Variants in CTNNA3 observed in about 807,000 individuals in gnomAD.
The protein encoded by CTNNA3 is catenin alpha 3, also known as catenin alpha-3.
In CTNNA3, 76 loss-of-function variants were observed where a neutral mutation model predicts 95.7. The observed-to-expected ratio is 0.79, with a 90% CI of 0.66 to 0.96. The LOEUF (loss-of-function observed/expected upper bound fraction) is 0.96, where lower values mean the gene tolerates loss of function less well. Ranked by LOEUF, CTNNA3 falls within the 40% of genes least tolerant of loss-of-function variation. The pLI is 0.00. For missense variants in CTNNA3, 1,191 were observed against 1,089.8 expected (o/e 1.09, Z -1.31); for synonymous variants, 431 against 374.4 (o/e 1.15, Z -1.74).
chr10:67,350,425 A>G (rs1842586605), intron 5 of CTNNA3, among the ~76,000 whole-genome samples: 1 of 152,068 alleles, frequency 6.6e-6, no homozygotes, highest in Non-Finnish European at 1.5e-5. Context: ...CTAATCCACA[A>G]TAATATTTAT....
intron 13 of CTNNA3, among the ~76,000 whole-genome samples, chr10:66,166,925 G>T (rs1367541200): frequency 6.6e-6 from 1 of 152,144 alleles, no homozygotes; most frequent in East Asian, 1.9e-4. Context: ...CTTGAGTTTG[G>T]TGGGAGGAGT....
chr10:67,370,926 G>A (rs1481955112), intron 5 of CTNNA3, among the ~76,000 whole-genome samples: 2 of 149,048 alleles, frequency 1.3e-5, no homozygotes, highest in Non-Finnish European at 3.0e-5. Context: ...GAGTGCAGTG[G>A]CGGGATCTCG....
chr10:67,504,003 A>C (rs1424915189), intron 5 of CTNNA3, among the ~76,000 whole-genome samples: 1 of 151,452 alleles, frequency 6.6e-6, no homozygotes, highest in Non-Finnish European at 1.5e-5. Context: ...TAAAAATACA[A>C]AAAATCAGCT....
chr10:66,510,216 C>T (rs140814797), intron 11 of CTNNA3, among the ~76,000 whole-genome samples: 1,590 of 151,768 alleles, frequency 0.01, 29 homozygotes, highest in African/African-American at 0.037. Context: ...ATATAAAATA[C>T]TAATTATTTT....
At chr10:67,521,671 T>A (rs911538159) in intron 5 of CTNNA3, among the ~76,000 whole-genome samples, 171 bp downstream of exon 5, 1 of 152,152 alleles carries the variant, frequency 6.6e-6, no homozygotes, top group African/African-American at 2.4e-5. Context: ...AAGGACCACA[T>A]TGAACACTGT....
intron 3 of CTNNA3, among the ~76,000 whole-genome samples, chr10:67,601,929 C>T (rs1843095984): frequency 6.6e-6 from 1 of 152,034 alleles, no homozygotes; most frequent in South Asian, 2.1e-4. Context: ...ACCAAAATAC[C>T]CACATTATTT....
chr10:67,014,396 T>C (rs1436954686), intron 7 of CTNNA3, among the ~76,000 whole-genome samples: 1 of 152,172 alleles, frequency 6.6e-6, no homozygotes, highest in African/African-American at 2.4e-5. Flanking sequence ...GTATAACCTG[T>C]GAGATTATGG....
At chr10:66,465,255 T>C (rs1301358193) in intron 11 of CTNNA3, among the ~76,000 whole-genome samples, 1 of 152,102 alleles carries the variant, frequency 6.6e-6, no homozygotes, top group Non-Finnish European at 1.5e-5. Flanking sequence ...TGGTACACCA[T>C]GAAATATCCC....
At chr10:67,703,181 G>A (rs1048084911) in intron 1 of CTNNA3, among the ~76,000 whole-genome samples, 6 of 152,108 alleles carry the variant, frequency 3.9e-5, no homozygotes, top group Admixed American at 2.0e-4. Flanking sequence ...ATTCACAGCC[G>A]AATTCTACCA....
chr10:67,350,292 G>A (rs1177983254), intron 5 of CTNNA3, among the ~76,000 whole-genome samples: 1 of 151,952 alleles, frequency 6.6e-6, no homozygotes, highest in Non-Finnish European at 1.5e-5. Flanking sequence ...AACAAATGTT[G>A]GTATGAAGAA....
intron 1 of CTNNA3, among the ~76,000 whole-genome samples, chr10:67,728,153 T>C (rs908260157): frequency 4.1e-5 from 6 of 146,506 alleles, no homozygotes; most frequent in African/African-American, 1.5e-4. Context: ...TATTATACTT[T>C]AGAGTTTCTA....
At chr10:67,486,292 A>G (rs1311992022) in intron 5 of CTNNA3, among the ~76,000 whole-genome samples, 1 of 152,128 alleles carries the variant, frequency 6.6e-6, no homozygotes, top group African/African-American at 2.4e-5. Context: ...TGATAAACAG[A>G]CCACTTATCT....
At chr10:66,119,966 T>G (rs2082506357) in intron 13 of CTNNA3, among the ~76,000 whole-genome samples, 1 of 152,200 alleles carries the variant, frequency 6.6e-6, no homozygotes, top group Admixed American at 6.5e-5. Flanking sequence ...TCTTTCTCAT[T>G]GTAAACTTTG....
intron 9 of CTNNA3, among the ~76,000 whole-genome samples, chr10:66,719,394 C>A (rs574058072): frequency 6.6e-6 from 1 of 152,172 alleles, no homozygotes; most frequent in African/African-American, 2.4e-5. Flanking sequence ...CCTAAGTTAA[C>A]ATCTGATAAC....
intron 9 of CTNNA3, among the ~76,000 whole-genome samples, chr10:66,759,983 C>G (rs1293582407): frequency 1.3e-5 from 2 of 152,056 alleles, no homozygotes; most frequent in Non-Finnish European, 2.9e-5. Context: ...TATTGGCCAG[C>G]CTTAACCTAG....
intron 7 of CTNNA3, among the ~76,000 whole-genome samples, chr10:66,839,079 G>A (rs1345913916): frequency 1.3e-5 from 2 of 152,068 alleles, no homozygotes; most frequent in African/African-American, 4.8e-5. Context: ...GAACAGAGAA[G>A]TTTGATATTT....
intron 15 of CTNNA3, among the ~76,000 whole-genome samples, chr10:66,012,471 A>ATGTG (rs2079023231): frequency 6.6e-6 from 1 of 152,216 alleles, no homozygotes; most frequent in Admixed American, 6.5e-5. Flanking sequence ...GATTTCCCAA[A>ATGTG]GGAGCTAATT....
chr10:66,787,475 G>C (rs1840794630), intron 7 of CTNNA3, among the ~76,000 whole-genome samples: 1 of 152,022 alleles, frequency 6.6e-6, no homozygotes, highest in African/African-American at 2.4e-5. Flanking sequence ...ATCTCTATTG[G>C]GCTTTTCTCT....
At chr10:66,422,456 G>T (rs6480167) in intron 11 of CTNNA3, among the ~76,000 whole-genome samples, 94,341 of 151,922 alleles carry the variant, frequency 0.62, 31,558 homozygotes, top group East Asian at 0.88. Context: ...CTAACAAAAG[G>T]ATATAAATAT....
Sources: gnomAD v4.1 joint callset for allele counts (sites outside exome capture counted in the v4.1 genomes callset) on GRCh38, gnomAD v4.1.1 for gene constraint, MANE v1.5 for transcripts, NCBI Gene and HGNC (gene_info 2026-07-23, HGNC 2026-07-21) for gene names.